The following SELENOT variants were observed in gnomAD, a reference collection of about 807,000 sequenced individuals.
SELENOT encodes selenoprotein T, also known as thioredoxin reductase-like selenoprotein T.
A neutral mutation model predicts 24.3 loss-of-function variants in SELENOT; 9 were observed. The observed-to-expected ratio is 0.37, with a 90% CI of 0.22 to 0.65. The LOEUF (loss-of-function observed/expected upper bound fraction) is 0.65. Ranked by LOEUF, SELENOT falls within the 30% of genes least tolerant of loss-of-function variation. SELENOT has a pLI of 0.60. For missense variants in SELENOT, 166 were observed against 247.6 expected (o/e 0.67, Z 2.21); for synonymous variants, 81 against 86.0 (o/e 0.94, Z 0.32).
rs764837649 is a variant in SELENOT, at chr3:150,627,131, A to G, written c.585A>G (p.Ser195=). 16 of 1,612,262 alleles carry G rather than the reference A, an allele frequency of 9.9e-6. No individual in the cohort carries two copies. In the African/African-American group the frequency reaches 2.0e-4, roughly 20 times the overall value. ...VHMDSIPHHR[S] ...TGGATTCAATCCCACACCATCGATC[A>G]TAGCACCACCTATCAGCACTGAAAA... Residue 195 remains serine (S), a synonymous_variant, in exon 5 of 6, where the codon TCA becomes TCG. Coordinates refer to ENST00000471696, the MANE Select transcript of SELENOT (RefSeq NM_016275.5).
At chr3:150,614,932 G>A (rs534382629) in intron 1 of SELENOT, among the ~76,000 whole-genome samples, 6 of 149,684 alleles carry the variant, frequency 4.0e-5, no homozygotes, top group Non-Finnish European at 5.9e-5. Context: ...AGTTACATAC[G>A]TATACATGTG....
chr3:150,611,709 G>T (rs1461465269), intron 1 of SELENOT: 2 of 1,594,278 alleles, frequency 1.3e-6, no homozygotes, highest in Non-Finnish European at 8.6e-7. Flanking sequence ...ACCATCCTCC[G>T]CAGGCAGCAC....
rs1431534377 is a variant in SELENOT at position 150,628,266 on chromosome 3, C to G, written c.*637C>G. The G allele has an allele frequency of 1.3e-5, 2 of 152,520 alleles. No individual in the cohort carries two copies. Among genetic ancestry groups the G allele is most frequent in the Non-Finnish European group, 2.9e-5 (2 of 67,994 alleles). 9.4% of individuals were successfully genotyped at this position (152,520 alleles called of 1,614,324 possible). A position where few individuals can be genotyped will look rare whatever the true frequency, so the allele number is the denominator to read the frequency against. On this transcript the variant is annotated 3_prime_UTR_variant, in exon 6 of 6. Transcript: ENST00000471696. ...AGAGAACTACTAAAAAAACCAACTG[C>G]TTTTTAAATCCTATTGTGTAGTTAA...
rs759222267 is a variant in SELENOT at position 150,622,400 on chromosome 3, T to C, written c.153T>C (p.Tyr51=). 6 of 1,463,872 alleles carry C rather than the reference T, an allele frequency of 4.1e-6. No individual in the cohort carries two copies. In the Admixed American group the frequency reaches 1.3e-4, roughly 32 times the overall value. 90.7% of individuals were successfully genotyped at this position (1,463,872 alleles called of 1,614,324 possible). Residue 51 remains tyrosine (Y), a synonymous_variant, in exon 2 of 6, where the codon TAT becomes TAC. Coordinates refer to ENST00000471696, the MANE Select transcript of SELENOT (RefSeq NM_016275.5). The part of the protein sequence containing the change: ...LKFQICVSUG[Y]RRVFEEYMRV... ...TTTTCTGCAGTGTTTCCTGAGGTTA[T>C]AGGCGGGTGTTTGAGGAGTACATGC...
intron 1 of SELENOT, among the ~76,000 whole-genome samples, chr3:150,613,890 A>G (rs1726153046): frequency 6.6e-6 from 1 of 151,986 alleles, no homozygotes; most frequent in Non-Finnish European, 1.5e-5. Context: ...GTAGAGATAG[A>G]TATGTTACTG....
chr3:150,607,100 G>T (rs1725983698), intron 1 of SELENOT, among the ~76,000 whole-genome samples: 1 of 152,192 alleles, frequency 6.6e-6, no homozygotes, highest in Non-Finnish European at 1.5e-5. Context: ...TTTGACAACT[G>T]AATTGCTGAG....
chr3:150,617,716 A>G (rs1414049139), intron 1 of SELENOT, among the ~76,000 whole-genome samples: 1 of 152,082 alleles, frequency 6.6e-6, no homozygotes, highest in Non-Finnish European at 1.5e-5. Context: ...CTGGTCTCAT[A>G]TAATATAGTT....
chr3:150,611,150 AAAAT>A (rs1726081168), intron 1 of SELENOT: 1 of 646,992 alleles, frequency 1.5e-6, no homozygotes, highest in Non-Finnish European at 2.7e-6. Flanking sequence ...AGAAACAAAG[AAAAT>A]AAAATCAGAA....
rs114247636 is a variant in SELENOT, at chr3:150,617,630, G to A, written c.138-4755G>A. On this transcript the variant is annotated intron_variant, in intron 1 of 5. Coordinates refer to ENST00000471696, the MANE Select transcript of SELENOT (RefSeq NM_016275.5). ...CCTCCACGTCTTAGAAGCCACGTTAGGCTCATTTTGTGTGTATTTCTACAC... is the reference window on the plus strand; with the variant it reads ...CCTCCACGTCTTAGAAGCCACGTTAAGCTCATTTTGTGTGTATTTCTACAC... Among the ~76,000 whole-genome samples, 548 of 152,248 alleles carry A rather than the reference G, an allele frequency of 3.6e-3. 5 individuals are homozygous for A. The highest frequency in any genetic ancestry group is 0.013 in the African/African-American group (529 of 41,544).
chr3:150,606,361 G>T (rs950603112), intron 1 of SELENOT, among the ~76,000 whole-genome samples: 1 of 151,316 alleles, frequency 6.6e-6, no homozygotes, highest in African/African-American at 2.4e-5. Context: ...CAGGCTGTGT[G>T]TAATACCTGC....
chr3:150,620,758 T>G (rs1431900941), intron 1 of SELENOT, among the ~76,000 whole-genome samples: 2 of 152,228 alleles, frequency 1.3e-5, no homozygotes, highest in Non-Finnish European at 2.9e-5. Context: ...AGTGCAAACT[T>G]GGGCATTGAT....
chr3:150,613,809 TCA>T (rs745407378), intron 1 of SELENOT, among the ~76,000 whole-genome samples: 1 of 151,984 alleles, frequency 6.6e-6, no homozygotes, highest in Non-Finnish European at 1.5e-5. Flanking sequence ...CTTGATTGAT[TCA>T]CAGGTTTTTT....
At chr3:150,610,517 A>G (rs367613333) in intron 1 of SELENOT, among the ~76,000 whole-genome samples, 6 of 152,240 alleles carry the variant, frequency 3.9e-5, no homozygotes, top group African/African-American at 1.2e-4. Context: ...TAGAATATAC[A>G]TAATTGATGA....
intron 2 of SELENOT, 116 bp from the exon 3 acceptor site, chr3:150,622,927 A>G (rs557796217): frequency 1.1e-6 from 1 of 921,982 alleles, no homozygotes. Flanking sequence ...TGCTTTTTCT[A>G]TAAGTAACTT....
At chr3:150,613,074 A>G (rs1021662123) in intron 1 of SELENOT, among the ~76,000 whole-genome samples, 2 of 152,260 alleles carry the variant, frequency 1.3e-5, no homozygotes, top group Non-Finnish European at 2.9e-5. Context: ...AGAATTAGAC[A>G]TAAAAAACTG....
In SELENOT at chr3:150,603,366, A is replaced by C; in HGVS notation, c.4A>C (p.Arg2=). The change falls in exon 1 of 6, where the codon AGG becomes CGG. Residue 2 remains arginine, a synonymous_variant. Transcript: ENST00000471696. M[R]LLLLLLVAAS... ...CGAAGTGGCTGGCTCATTTAAGATGAGGCTTCTGCTGCTTCTCCTAGTGGC... is the reference window on the plus strand; with the variant it reads ...CGAAGTGGCTGGCTCATTTAAGATGCGGCTTCTGCTGCTTCTCCTAGTGGC... 6.2e-7 allele frequency: 1 copy of C among 1,611,376 alleles called. No individual in the cohort carries two copies. Among genetic ancestry groups the C allele is most frequent in the Non-Finnish European group, 8.5e-7 (1 of 1,178,186 alleles).
chr3:150,606,217 CA>C lies in SELENOT; in HGVS notation c.137+2719del, dbSNP rs1725959353. Reference sequence around the variant, plus strand: ...CCAGTTTGGAGTGCAATGGCATGATCACGGAGCCTTGACTTCCTGAGTTCCG... The same window carrying C: ...CCAGTTTGGAGTGCAATGGCATGATCCGGAGCCTTGACTTCCTGAGTTCCG... On this transcript the variant is annotated intron_variant, in intron 1 of 5. Coordinates refer to ENST00000471696, the MANE Select transcript of SELENOT (RefSeq NM_016275.5). Among the ~76,000 whole-genome samples the C allele has an allele frequency of 5.5e-5, 8 of 144,748 alleles. No homozygotes were observed. In the Admixed American group the frequency reaches 5.7e-4, roughly 10 times the overall value. 95.0% of individuals were successfully genotyped at this position (144,748 alleles called of 152,430 possible). A position where few individuals can be genotyped will look rare whatever the true frequency, so the allele number is the denominator to read the frequency against.
intron 1 of SELENOT, chr3:150,611,621 G>T (rs1726094269): frequency 2.0e-6 from 3 of 1,536,240 alleles, no homozygotes; most frequent in African/African-American, 1.4e-5. Context: ...TATCCAGCTC[G>T]ATCTTCACCT....
chr3:150,629,870 T>C lies in SELENOT; in HGVS notation c.*2241T>C, dbSNP rs973566342. On this transcript the variant is annotated 3_prime_UTR_variant, in exon 6 of 6. Coordinates refer to ENST00000471696, the MANE Select transcript of SELENOT (RefSeq NM_016275.5). ...GTTATATTCCCAGCATTTCAATATT[T>C]ATTAGTTACTTGTAAATTACTGTGG... is the stretch of plus-strand genomic sequence containing the variant. 3 of 152,666 alleles carry C rather than the reference T, an allele frequency of 2.0e-5. No homozygotes were observed. Among genetic ancestry groups the C allele is most frequent in the Non-Finnish European group, 4.4e-5 (3 of 68,034 alleles). The allele number at this position is 152,666 out of a possible 1,614,324, so 9.5% of individuals were successfully genotyped here. A position where few individuals can be genotyped will look rare whatever the true frequency, so the allele number is the denominator to read the frequency against.
Sources: allele counts gnomAD v4.1 joint callset (sites outside exome capture counted in the v4.1 genomes callset), GRCh38; gene constraint gnomAD v4.1.1; transcripts MANE v1.5; gene names NCBI Gene and HGNC (gene_info 2026-07-23, HGNC 2026-07-21).